Variants in RNF144A observed in about 807,000 individuals in gnomAD.
RNF144A encodes E3 ubiquitin-protein ligase RNF144A.
Under a neutral mutation model 38.7 loss-of-function variants are expected in RNF144A, and 11 were observed. The ratio of observed to expected loss-of-function variants is 0.28; its 90% CI spans 0.18 to 0.47. RNF144A has a LOEUF of 0.47. Among genes scored for constraint, RNF144A ranks in the 20% least tolerant of loss-of-function variants. RNF144A has a pLI of 0.99. For synonymous variants in RNF144A, 149 were observed against 143.9 expected (o/e 1.04, Z -0.25); for missense variants, 316 against 377.2 (o/e 0.84, Z 1.34).
At chr2:6,985,290 TTTTA>T (rs1244741015) in intron 2 of RNF144A, among the ~76,000 whole-genome samples, 1 of 133,810 alleles carries the variant, frequency 7.5e-6, no homozygotes, top group Non-Finnish European at 1.6e-5. Flanking sequence ...TTTTTTTTTT[TTTTA>T]ACAATGAGAA....
At chr2:6,947,948 A>G (rs924298122) in intron 2 of RNF144A, among the ~76,000 whole-genome samples, 1 of 152,264 alleles carries the variant, frequency 6.6e-6, no homozygotes, top group African/African-American at 2.4e-5. Flanking sequence ...TGTGATCAAC[A>G]TTCAGATGTT....
intron 2 of RNF144A, among the ~76,000 whole-genome samples, chr2:6,976,194 A>G (rs1668302328): frequency 6.6e-6 from 1 of 152,140 alleles, no homozygotes. Flanking sequence ...TCCCCATTTC[A>G]TGTGTTATAT....
intron 2 of RNF144A, among the ~76,000 whole-genome samples, chr2:6,981,984 C>T (rs924173382): frequency 3.9e-5 from 6 of 152,166 alleles, no homozygotes; most frequent in East Asian, 1.9e-4. Flanking sequence ...CTTCACAAGG[C>T]GGCAGGAGAG....
chr2:6,947,615 A>T (rs908618104), intron 2 of RNF144A, among the ~76,000 whole-genome samples: 1 of 152,238 alleles, frequency 6.6e-6, no homozygotes. Flanking sequence ...CAGAAGTTAC[A>T]TCATTTTCAG....
chr2:6,955,049 A>G (rs766861964), intron 2 of RNF144A, among the ~76,000 whole-genome samples: 17 of 152,230 alleles, frequency 1.1e-4, no homozygotes, highest in African/African-American at 2.4e-5. Context: ...GGATTTCATC[A>G]TGAAACATGT....
At chr2:6,964,390 A>G (rs377404340) in intron 2 of RNF144A, among the ~76,000 whole-genome samples, 7 of 152,086 alleles carry the variant, frequency 4.6e-5, no homozygotes, top group African/African-American at 1.7e-4. Flanking sequence ...AATTAGTTCA[A>G]CCCTTGTGGA....
chr2:6,956,045 AATATT>A (rs1489973785), intron 2 of RNF144A, among the ~76,000 whole-genome samples: 1 of 152,180 alleles, frequency 6.6e-6, no homozygotes, highest in African/African-American at 2.4e-5. Context: ...AGGCTATAAA[AATATT>A]ATAACATGGC....
At chr2:6,940,535 T>TA (rs1298414276) in intron 1 of RNF144A, among the ~76,000 whole-genome samples, 1 of 152,190 alleles carries the variant, frequency 6.6e-6, no homozygotes, top group Non-Finnish European at 1.5e-5. Flanking sequence ...AGTTTATTTT[T>TA]ATCCTCTTTT....
downstream of RNF144A, among the ~76,000 whole-genome samples, chr2:7,044,612 T>C (rs958216865): frequency 3.3e-5 from 5 of 151,996 alleles, no homozygotes; most frequent in Non-Finnish European, 7.4e-5. Flanking sequence ...ATCCTTTATC[T>C]GCTGGGGGTG....
intron 2 of RNF144A, among the ~76,000 whole-genome samples, chr2:6,985,548 A>G (rs1668895887): frequency 6.6e-6 from 1 of 152,206 alleles, no homozygotes; most frequent in South Asian, 2.1e-4. Context: ...ATTGCAGGTG[A>G]GTTCTTAGGA....
intron 6 of RNF144A, among the ~76,000 whole-genome samples, chr2:7,058,142 G>T (rs1673810992): frequency 6.6e-6 from 1 of 152,120 alleles, no homozygotes. Context: ...TGAGATAGCT[G>T]CCAGGGTAAC....
At chr2:7,030,257 C>CTGTGTGTGTGTGTGTGTG (rs58324246) in intron 8 of RNF144A, 42 bp downstream of exon 8, 17 of 724,922 alleles carry the variant, frequency 2.3e-5, no homozygotes, top group Non-Finnish European at 3.3e-5. Context: ...CAGAGAGAGA[C>CTGTGTGTGTGTGTGTGTG]TGTGTGTGTG....
intron 2 of RNF144A, among the ~76,000 whole-genome samples, chr2:6,974,606 A>C (rs2103352178): frequency 6.6e-6 from 1 of 152,258 alleles, no homozygotes; most frequent in South Asian, 2.1e-4. Context: ...AAAGGCTGGC[A>C]CTGTGAAAGT....
intron 3 of RNF144A, among the ~76,000 whole-genome samples, chr2:7,009,809 A>G (rs769934578): frequency 1.2e-4 from 19 of 152,128 alleles, no homozygotes; most frequent in East Asian, 3.9e-4. Flanking sequence ...CCCGGCTTGT[A>G]TGGCCCTGCG....
intron 2 of RNF144A, among the ~76,000 whole-genome samples, chr2:6,953,692 C>T (rs1666825905): frequency 6.6e-6 from 1 of 152,032 alleles, no homozygotes. Flanking sequence ...TGTGAATGTT[C>T]TGTGTCTTTT....
intron 1 of RNF144A, among the ~76,000 whole-genome samples, chr2:6,940,403 T>C (rs567058113): frequency 6.6e-6 from 1 of 152,342 alleles, no homozygotes; most frequent in South Asian, 2.1e-4. Flanking sequence ...ATGGAGTGTT[T>C]AAACCATTTA....
rs116964826 is a variant in RNF144A, at chr2:6,930,833, A to T, written c.-211-10115A>T. On this transcript the variant is annotated intron_variant, in intron 1 of 8. Coordinates refer to ENST00000320892, the MANE Select transcript of RNF144A (RefSeq NM_014746.6). ...GGTCTTGAATTTTTGAGCTCAAGCAATTCTCTCACCTCGGCCTCCCAAAGT... is the reference window on the plus strand; with the variant it reads ...GGTCTTGAATTTTTGAGCTCAAGCATTTCTCTCACCTCGGCCTCCCAAAGT... Among the ~76,000 whole-genome samples the T allele has an allele frequency of 2.0e-3, 308 of 152,142 alleles. 9 individuals are homozygous for T. In the East Asian group the frequency reaches 0.045, roughly 22 times the overall value.
chr2:6,969,140 A>C (rs1667848126), intron 2 of RNF144A, among the ~76,000 whole-genome samples: 1 of 152,188 alleles, frequency 6.6e-6, no homozygotes. Flanking sequence ...GTAGGGTGCC[A>C]CATCTGTTAA....
At chr2:6,936,613 G>GTGTC (rs1665602489) in intron 1 of RNF144A, among the ~76,000 whole-genome samples, 1 of 152,194 alleles carries the variant, frequency 6.6e-6, no homozygotes, top group Admixed American at 6.5e-5. Flanking sequence ...CTTGGTGAAA[G>GTGTC]AAAGAAATGA....
Sources: gnomAD v4.1 joint callset for allele counts (sites outside exome capture counted in the v4.1 genomes callset) on GRCh38, gnomAD v4.1.1 for gene constraint, MANE v1.5 for transcripts, NCBI Gene and HGNC (gene_info 2026-07-23, HGNC 2026-07-21) for gene names.